The following DOCK3 variants were observed in gnomAD, a reference collection of about 807,000 sequenced individuals.
DOCK3 encodes the protein dedicator of cytokinesis 3.
A neutral mutation model predicts 265.6 loss-of-function variants in DOCK3; 60 were observed. That is an observed-to-expected ratio of 0.23 (90% confidence interval 0.18 to 0.28). The LOEUF (loss-of-function observed/expected upper bound fraction) is 0.28, where lower values mean the gene tolerates loss of function less well. DOCK3 is among the 10% of genes least tolerant of loss of function. The pLI is 1.00. For synonymous variants in DOCK3, 881 were observed against 938.0 expected, an observed-to-expected ratio of 0.94 and a Z score of 1.11; for missense variants, 1,981 against 2,594.3, an observed-to-expected ratio of 0.76 and a Z score of 5.14.
chr3:51,213,393 G>C (rs2089618199), intron 13 of DOCK3, among the ~76,000 whole-genome samples: 1 of 152,090 alleles, frequency 6.6e-6, no homozygotes, highest in Admixed American at 6.6e-5. Context: ...TCAGGAGGGT[G>C]GTGTGGAGGG....
At position 51,005,792 on chromosome 3, in the gene DOCK3, C is replaced by T. The variant is rs34722439; in HGVS notation, c.316-58656C>T. 5.8e-3 allele frequency among the ~76,000 whole-genome samples: 878 copies of T among 152,212 alleles called. 2 individuals carry two copies. The highest frequency in any genetic ancestry group is 0.01 in the Middle Eastern group (3 of 294). On this transcript the variant is annotated intron_variant, in intron 5 of 52. Transcript: ENST00000266037. ...TCCTAACTGGTTTCTCTCCTCCCTC[C>T]CTTGCCCCTTCCATTTTTCCCCCAA...
intron 1 of DOCK3, among the ~76,000 whole-genome samples, chr3:50,745,205 C>T (rs565656526): frequency 6.6e-6 from 1 of 152,168 alleles, no homozygotes; most frequent in South Asian, 2.1e-4. Flanking sequence ...GCCACTGCAC[C>T]TGGCTAATTT....
intron 12 of DOCK3, among the ~76,000 whole-genome samples, chr3:51,171,283 C>T (rs1276806859): frequency 2.6e-5 from 4 of 152,030 alleles, no homozygotes; most frequent in African/African-American, 7.3e-5. Context: ...CCTTCTTTGA[C>T]CCATTAGTTG....
At chr3:51,122,463 A>G (rs1390320442) in intron 9 of DOCK3, among the ~76,000 whole-genome samples, 4 of 152,230 alleles carry the variant, frequency 2.6e-5, no homozygotes, top group Admixed American at 2.6e-4. Context: ...AAAGAAAGAT[A>G]GAGAAAGAAA....
In DOCK3 at chr3:51,287,522, G is replaced by A. The variant is rs111277121; in HGVS notation, c.2922+7318G>A. Among the ~76,000 whole-genome samples, 11 of 152,262 alleles carry A rather than the reference G, an allele frequency of 7.2e-5. 2 individuals carry two copies. The highest frequency in any genetic ancestry group is 2.4e-4 in the African/African-American group (10 of 41,556). On this transcript the variant is annotated intron_variant, in intron 27 of 52. Transcript: ENST00000266037. ...GCTGATTGTACCACAGTTCTCCCACGTGGGTGACAGGAAAAGACCCTGTCT... is the reference window on the plus strand; with the variant it reads ...GCTGATTGTACCACAGTTCTCCCACATGGGTGACAGGAAAAGACCCTGTCT...
chr3:51,105,735 G>A (rs1258201787), intron 9 of DOCK3, among the ~76,000 whole-genome samples: 3 of 152,154 alleles, frequency 2.0e-5, no homozygotes, highest in Admixed American at 2.0e-4. Context: ...ACATTGGGAA[G>A]ATGGTTGCAC....
chr3:51,110,578 A>G (rs142205340), intron 9 of DOCK3, among the ~76,000 whole-genome samples: 1 of 152,252 alleles, frequency 6.6e-6, no homozygotes, highest in Non-Finnish European at 1.5e-5. Flanking sequence ...AGAACTAAAG[A>G]TAAAAACCCC....
At chr3:50,761,113 T>G (rs1366039330) in intron 1 of DOCK3, among the ~76,000 whole-genome samples, 1 of 152,020 alleles carries the variant, frequency 6.6e-6, no homozygotes, top group African/African-American at 2.4e-5. Flanking sequence ...ACACATAAGA[T>G]CCTGTCTTCT....
chr3:51,192,694 C>T (rs1014972858), intron 12 of DOCK3, among the ~76,000 whole-genome samples: 10 of 152,040 alleles, frequency 6.6e-5, no homozygotes, highest in Admixed American at 6.6e-4. Flanking sequence ...GTGATATAAT[C>T]TTGAGTGGGG....
At chr3:50,790,177 C>T (rs779536437) in intron 2 of DOCK3, among the ~76,000 whole-genome samples, 42 of 152,096 alleles carry the variant, frequency 2.8e-4, no homozygotes, top group South Asian at 6.2e-4. Context: ...CACCTTTTTA[C>T]CTTAAGTTTA....
chr3:50,740,669 T>C (rs2038960063), intron 1 of DOCK3, among the ~76,000 whole-genome samples: 1 of 152,320 alleles, frequency 6.6e-6, no homozygotes, highest in South Asian at 2.1e-4. Flanking sequence ...AAATTTTTTT[T>C]CTGTTTTAAA....
In DOCK3 at chr3:50,977,857, T is replaced by G. The variant is rs566219137; in HGVS notation, c.315+43780T>G. Reference sequence around the variant, plus strand: ...TTTGCTCATTTCTTTTTATTCTTTTTTCTCTAAACTTCCCTTCTCGCTTCA... The same window carrying G: ...TTTGCTCATTTCTTTTTATTCTTTTGTCTCTAAACTTCCCTTCTCGCTTCA... On this transcript the variant is annotated intron_variant, in intron 5 of 52. Coordinates refer to ENST00000266037, the MANE Select transcript of DOCK3 (RefSeq NM_004947.5). Among the ~76,000 whole-genome samples the G allele has an allele frequency of 1.6e-3, 247 of 152,020 alleles. 2 individuals are homozygous for G. The highest frequency in any genetic ancestry group is 5.6e-3 in the African/African-American group (233 of 41,490).
intron 12 of DOCK3, among the ~76,000 whole-genome samples, chr3:51,174,529 C>T (rs1344753315): frequency 6.6e-6 from 1 of 151,994 alleles, no homozygotes; most frequent in East Asian, 1.9e-4. Context: ...GCATTATTTC[C>T]TGATTTCTTT....
intron 1 of DOCK3, among the ~76,000 whole-genome samples, chr3:50,679,677 C>T (rs558603723): frequency 6.8e-4 from 103 of 152,192 alleles, no homozygotes; most frequent in African/African-American, 2.4e-3. Context: ...CTAGAACTCA[C>T]CAAAATAGTC....
intron 2 of DOCK3, among the ~76,000 whole-genome samples, chr3:50,835,658 A>T (rs2045464361): frequency 6.6e-6 from 1 of 152,220 alleles, no homozygotes; most frequent in African/African-American, 2.4e-5. Flanking sequence ...TCTTTAAAGT[A>T]TGCAGTTTTT....
At position 51,003,860 on chromosome 3, in the gene DOCK3, A is replaced by G. The variant is rs544230512; in HGVS notation, c.316-60588A>G. ...GGATTGAGTTCTGGGTTTGTGGGGG[A>G]AAAACTGCTAGCCACTATAGGATAT... On this transcript the variant is annotated intron_variant, in intron 5 of 52. Coordinates refer to ENST00000266037, the MANE Select transcript of DOCK3 (RefSeq NM_004947.5). 1.6e-3 allele frequency among the ~76,000 whole-genome samples: 243 copies of G among 152,244 alleles called. 1 individual carries two copies. Among genetic ancestry groups the G allele is most frequent in the African/African-American group, 5.5e-3 (227 of 41,540 alleles).
At chr3:51,125,147 C>CT (rs1351749123) in intron 9 of DOCK3, among the ~76,000 whole-genome samples, 1 of 151,922 alleles carries the variant, frequency 6.6e-6, no homozygotes, top group Non-Finnish European at 1.5e-5. Context: ...AATAGCCATA[C>CT]TTTTTTTATA....
chr3:50,815,349 T>C (rs1231455927), intron 2 of DOCK3, among the ~76,000 whole-genome samples: 1 of 152,226 alleles, frequency 6.6e-6, no homozygotes, highest in Non-Finnish European at 1.5e-5. Flanking sequence ...AATATTTGAC[T>C]TATTTTTTCA....
At chr3:50,885,131 G>A (rs1575445326) in intron 3 of DOCK3, among the ~76,000 whole-genome samples, 1 of 152,094 alleles carries the variant, frequency 6.6e-6, no homozygotes, top group Non-Finnish European at 1.5e-5. Flanking sequence ...TATCATATAG[G>A]TGGAGTCATA....
Sources: gnomAD v4.1 joint callset for allele counts (sites outside exome capture counted in the v4.1 genomes callset) on GRCh38, gnomAD v4.1.1 for gene constraint, MANE v1.5 for transcripts, NCBI Gene and HGNC (gene_info 2026-07-23, HGNC 2026-07-21) for gene names.